ERC1: variants seen among roughly 807,000 people sequenced by gnomAD.
The protein encoded by ERC1 is ELKS/RAB6-interacting/CAST family member 1.
In ERC1, 56 loss-of-function variants were observed where a neutral mutation model predicts 132.0. The ratio of observed to expected loss-of-function variants is 0.42; its 90% CI spans 0.34 to 0.53. The LOEUF is 0.53. ERC1 is among the 20% of genes least tolerant of loss of function. ERC1 has a pLI of 0.03. For missense variants in ERC1, 1,202 were observed against 1,349.9 expected (o/e 0.89, Z 1.72); for synonymous variants, 478 against 476.1 (o/e 1.00, Z -0.05).
chr12:1,305,751 T>C (rs2080835222), intron 15 of ERC1, among the ~76,000 whole-genome samples: 1 of 152,206 alleles, frequency 6.6e-6, no homozygotes, highest in Non-Finnish European at 1.5e-5. Context: ...TTTTTCTCCT[T>C]CTCTCCTAAT....
At chr12:1,468,580 C>T (rs1231051161) in intron 18 of ERC1, among the ~76,000 whole-genome samples, 1 of 151,350 alleles carries the variant, frequency 6.6e-6, no homozygotes, top group Non-Finnish European at 1.5e-5. Flanking sequence ...CCAGCCTGGG[C>T]AACAGAGCAA....
In ERC1 at chr12:1,121,745, A is replaced by C. The variant is rs11611525; in HGVS notation, c.1569+5712A>C. Among the ~76,000 whole-genome samples the C allele has an allele frequency of 9.4e-3, 45 of 4,800 alleles. 7 individuals are homozygous for C. The highest frequency in any genetic ancestry group is 0.018 in the South Asian group (1 of 56). 3.1% of individuals were successfully genotyped at this position (4,800 alleles called of 152,430 possible). On this transcript the variant is annotated intron_variant, in intron 7 of 18. Transcript: ENST00000360905. ...TCTATCTCTATCTCTATCTCTATCT[A>C]TCTCTATCTCTATCTCTATCTATCT...
At chr12:1,238,161 C>CT (rs34549684) in intron 13 of ERC1, among the ~76,000 whole-genome samples, 54,833 of 143,642 alleles carry the variant, frequency 0.38, 10,697 homozygotes, top group African/African-American at 0.47. Flanking sequence ...GTTCTTCCTC[C>CT]TTTTTTTTTT....
intron 15 of ERC1, among the ~76,000 whole-genome samples, chr12:1,347,409 A>G (rs1289020557): frequency 2.6e-5 from 4 of 151,562 alleles, no homozygotes; most frequent in Non-Finnish European, 2.9e-5. Context: ...TGAAATATGT[A>G]TATTTTGTGG....
chr12:1,079,199 A>G (rs1941835509), intron 2 of ERC1, among the ~76,000 whole-genome samples: 1 of 150,318 alleles, frequency 6.7e-6, no homozygotes, highest in African/African-American at 2.4e-5. Context: ...ACAAAAGTCG[A>G]TATACAGAGA....
chr12:1,115,728 C>G (rs934047673), intron 6 of ERC1, 138 bp from the exon 7 acceptor site: 24 of 702,196 alleles, frequency 3.4e-5, no homozygotes, highest in Admixed American at 1.3e-4. Context: ...TTATGTCATG[C>G]AAAAAGATGA....
At chr12:1,021,188 G>C (rs1966305887) in intron 1 of ERC1, among the ~76,000 whole-genome samples, 1 of 152,078 alleles carries the variant, frequency 6.6e-6, no homozygotes, top group African/African-American at 2.4e-5. Context: ...TGATCTGCCT[G>C]TCTCAGCCTC....
At chr12:1,489,447 T>C (rs2094293268) in intron 18 of ERC1, among the ~76,000 whole-genome samples, 1 of 152,210 alleles carries the variant, frequency 6.6e-6, no homozygotes, top group Admixed American at 6.5e-5. Context: ...AACCTAAATG[T>C]GTCTTCAGGA....
At chr12:1,193,696 A>T (rs1955955044) in intron 12 of ERC1, among the ~76,000 whole-genome samples, 1 of 152,232 alleles carries the variant, frequency 6.6e-6, no homozygotes, top group African/African-American at 2.4e-5. Context: ...CACAAGCCAA[A>T]GCTGTGGTCC....
chr12:1,361,062 C>T lies in ERC1; in HGVS notation c.2781-10771C>T, dbSNP rs527493454. ...GTTGTTGGCTATGATCTCACCACTG[C>T]ACTCCAGCCTGGGTGATGGGAGTGA... On this transcript the variant is annotated intron_variant, in intron 15 of 18. Transcript: ENST00000360905. Among the ~76,000 whole-genome samples, 16 of 145,914 alleles carry T rather than the reference C, an allele frequency of 1.1e-4. No homozygotes were observed. The South Asian group carries it at 2.8e-3, about 26-fold the overall frequency.
At chr12:1,292,193 T>G (rs1292288844) in intron 15 of ERC1, among the ~76,000 whole-genome samples, 1 of 152,198 alleles carries the variant, frequency 6.6e-6, no homozygotes, top group Non-Finnish European at 1.5e-5. Flanking sequence ...AGTCCATTTT[T>G]TATTTTTAAT....
chr12:1,015,734 A>G (rs983974365), intron 1 of ERC1, among the ~76,000 whole-genome samples: 5 of 152,228 alleles, frequency 3.3e-5, no homozygotes, highest in Non-Finnish European at 7.3e-5. Flanking sequence ...AGTAATATTT[A>G]TAACCCTTTA....
intron 16 of ERC1, among the ~76,000 whole-genome samples, chr12:1,397,882 TATTAA>T (rs140262894): frequency 0.035 from 5,358 of 152,306 alleles, 120 homozygotes; most frequent in South Asian, 0.087. Context: ...TCTAATTATA[TATTAA>T]ATTGTTGACA....
At chr12:1,205,075 A>C (rs1957234382) in intron 12 of ERC1, among the ~76,000 whole-genome samples, 1 of 152,182 alleles carries the variant, frequency 6.6e-6, no homozygotes, top group African/African-American at 2.4e-5. Flanking sequence ...GTAGCGGAAC[A>C]TATTTTGTTT....
intron 7 of ERC1, among the ~76,000 whole-genome samples, chr12:1,116,598 G>A (rs997065523): frequency 3.9e-4 from 57 of 146,140 alleles, no homozygotes; most frequent in African/African-American, 5.9e-4. Context: ...ATGGCCTCTC[G>A]CTCTGTTGCC....
rs568928292 is a variant in ERC1 at position 1,003,892 on chromosome 12, G to C, written c.-157+12570G>C. Among the ~76,000 whole-genome samples the C allele has an allele frequency of 5.3e-5, 8 of 152,296 alleles. No homozygotes were observed. In the East Asian group the frequency reaches 1.3e-3, roughly 26 times the overall value. On this transcript the variant is annotated intron_variant, in intron 1 of 18. Coordinates refer to ENST00000360905, the MANE Select transcript of ERC1 (RefSeq NM_178040.4). ...GGCTGATGCCTGCAGTGTGAGCTGG[G>C]GGATACTCTGTTGATGAGGAGCCTA...
intron 17 of ERC1, among the ~76,000 whole-genome samples, chr12:1,435,435 T>G (rs2092922145): frequency 6.6e-6 from 1 of 152,066 alleles, no homozygotes; most frequent in African/African-American, 2.4e-5. Context: ...TTAGCTGCTG[T>G]CCCCCTGAAA....
Position 1,492,854 on chromosome 12 carries a change from A to G in ERC1, c.*2624A>G, listed in dbSNP as rs543440015. The G allele has an allele frequency of 8.7e-6, 2 of 230,412 alleles. No homozygotes were observed. Among genetic ancestry groups the G allele is most frequent in the South Asian group, 3.6e-4 (2 of 5,494 alleles). The allele number at this position is 230,412 out of a possible 1,614,324, so 14.3% of individuals were successfully genotyped here. On this transcript the variant is annotated 3_prime_UTR_variant, in exon 19 of 19. Coordinates refer to ENST00000360905, the MANE Select transcript of ERC1 (RefSeq NM_178040.4). ...ACACTTAACCAAATGTCCCACTCCC[A>G]TCACACTAGGACTTGTCATTCCATG...
At position 1,375,613 on chromosome 12, in the gene ERC1, G is replaced by A. The variant is rs552894026; in HGVS notation, c.2925+3636G>A. Among the ~76,000 whole-genome samples the A allele has an allele frequency of 8.0e-4, 121 of 152,170 alleles. 1 individual carries two copies. The highest frequency in any genetic ancestry group is 2.8e-3 in the African/African-American group (115 of 41,504). On this transcript the variant is annotated intron_variant, in intron 16 of 18. Coordinates refer to ENST00000360905, the MANE Select transcript of ERC1 (RefSeq NM_178040.4). ...TTCAATAAGATAGCACACCTGAAGC[G>A]CTTAGAGTCCCCCCTTCCATTCCCT...
Sources: gnomAD v4.1 joint callset for allele counts (sites outside exome capture counted in the v4.1 genomes callset) on GRCh38, gnomAD v4.1.1 for gene constraint, MANE v1.5 for transcripts, NCBI Gene and HGNC (gene_info 2026-07-23, HGNC 2026-07-21) for gene names.